Variants in SHISA9 observed in about 807,000 individuals in gnomAD.
SHISA9 encodes the protein shisa family member 9, also known as protein shisa-9.
In SHISA9, 13 loss-of-function variants were observed where a neutral mutation model predicts 38.0. The observed-to-expected ratio is 0.34, with a 90% confidence interval of 0.22 to 0.54. The LOEUF (loss-of-function observed/expected upper bound fraction) is 0.54, where lower values mean the gene tolerates loss of function less well. Ranked by LOEUF, SHISA9 falls within the 20% of genes least tolerant of loss-of-function variation. The pLI is 0.91. For synonymous variants in SHISA9, 275 were observed against 242.0 expected, an observed-to-expected ratio of 1.14 and a Z score of -1.27; for missense variants, 538 against 575.8, an observed-to-expected ratio of 0.93 and a Z score of 0.67.
chr16:13,493,215 C>T, the SHISA9 span, among the ~76,000 whole-genome samples: 3 of 137,834 alleles, frequency 2.2e-5, no homozygotes, highest in Non-Finnish European at 5.0e-5. Flanking sequence ...AGAAATGACA[C>T]TCATCATCAG....
At chr16:13,250,014 G>A in the SHISA9 span, among the ~76,000 whole-genome samples, 9 of 152,252 alleles carry the variant, frequency 5.9e-5, no homozygotes, top group East Asian at 1.5e-3. Flanking sequence ...GACTGCAGGT[G>A]TGTGCCACCA....
the SHISA9 span, among the ~76,000 whole-genome samples, chr16:13,342,219 T>A: frequency 6.6e-6 from 1 of 152,210 alleles, no homozygotes; most frequent in Non-Finnish European, 1.5e-5. Flanking sequence ...GTGCTCTATA[T>A]CTCAGCTGCC....
the SHISA9 span, among the ~76,000 whole-genome samples, chr16:13,513,639 C>T: frequency 2.6e-5 from 4 of 152,100 alleles, no homozygotes; most frequent in Admixed American, 1.3e-4. Flanking sequence ...ATACACACCA[C>T]GGAATACTAT....
chr16:13,073,494 G>A (rs1475331376), intron 2 of SHISA9, among the ~76,000 whole-genome samples: 1 of 152,080 alleles, frequency 6.6e-6, no homozygotes. Context: ...AGCATCACCT[G>A]GGAATTTGTT....
Position 13,210,337 on chromosome 16 carries a change from A to C in SHISA9, c.848-2916A>C, listed in dbSNP as rs190173438. On this transcript the variant is annotated intron_variant, in intron 3 of 4. Transcript: ENST00000558583. ...CAAAGATTCATGATCATGTGCCCTT[A>C]AGATGGCTCAATGCAACCTTGGCCA... 1.3e-3 allele frequency among the ~76,000 whole-genome samples: 195 copies of C among 152,302 alleles called. 1 individual carries two copies. Among genetic ancestry groups the C allele is most frequent in the African/African-American group, 4.5e-3 (189 of 41,552 alleles).
At chr16:13,365,183 A>G in the SHISA9 span, among the ~76,000 whole-genome samples, 2 of 152,124 alleles carry the variant, frequency 1.3e-5, no homozygotes, top group Non-Finnish European at 2.9e-5. Context: ...CCTCATGGAG[A>G]TTTAAACTGG....
chr16:13,258,504 A>C, the SHISA9 span: 1 of 152,332 alleles, frequency 6.6e-6, no homozygotes, highest in Admixed American at 6.5e-5. Context: ...ATGTTGAATA[A>C]TTACAAGGCC....
At chr16:13,303,240 A>G in the SHISA9 span, among the ~76,000 whole-genome samples, 3 of 152,224 alleles carry the variant, frequency 2.0e-5, no homozygotes, top group African/African-American at 7.2e-5. Context: ...CTCAAAAGAA[A>G]GGAAAACAGA....
At chr16:13,325,357 T>A in the SHISA9 span, among the ~76,000 whole-genome samples, 2,869 of 152,322 alleles carry the variant, frequency 0.019, 74 homozygotes, top group African/African-American at 0.065. Flanking sequence ...TTCATGTTAA[T>A]GCTGGCCAGT....
chr16:13,480,106 C>T, the SHISA9 span, among the ~76,000 whole-genome samples: 1 of 152,200 alleles, frequency 6.6e-6, no homozygotes. Flanking sequence ...CCTCTTCTCA[C>T]TCCTGCACCC....
the SHISA9 span, among the ~76,000 whole-genome samples, chr16:13,541,283 G>A: frequency 6.6e-6 from 1 of 152,138 alleles, no homozygotes; most frequent in Admixed American, 6.5e-5. Context: ...AAAGGTGAAT[G>A]AGAAAAACAG....
At chr16:13,148,060 G>T (rs944930179) in intron 2 of SHISA9, among the ~76,000 whole-genome samples, 1 of 152,084 alleles carries the variant, frequency 6.6e-6, no homozygotes, top group Non-Finnish European at 1.5e-5. Context: ...TTGGGGAGGG[G>T]TGCTCAGGAC....
intron 2 of SHISA9, among the ~76,000 whole-genome samples, chr16:13,109,762 T>C (rs965559305): frequency 1.3e-5 from 2 of 152,226 alleles, no homozygotes; most frequent in Non-Finnish European, 2.9e-5. Context: ...AATGGAATTA[T>C]ACAGTATGTG....
chr16:13,367,136 A>G, the SHISA9 span, among the ~76,000 whole-genome samples: 5 of 151,954 alleles, frequency 3.3e-5, no homozygotes, highest in Non-Finnish European at 7.4e-5. Context: ...ACTTAAACTC[A>G]GTAATTAAAC....
chr16:13,071,732 G>A (rs2073521009), intron 2 of SHISA9, among the ~76,000 whole-genome samples: 1 of 151,812 alleles, frequency 6.6e-6, no homozygotes, highest in African/African-American at 2.4e-5. Flanking sequence ...CCACCTCCCA[G>A]ACTTAAGCCA....
chr16:13,345,104 C>T, the SHISA9 span, among the ~76,000 whole-genome samples: 2 of 151,860 alleles, frequency 1.3e-5, no homozygotes, highest in Non-Finnish European at 2.9e-5. Context: ...CATTAAACTT[C>T]TTTTTTTTAA....
chr16:13,176,976 C>G (rs1812397603), intron 2 of SHISA9, among the ~76,000 whole-genome samples: 1 of 152,120 alleles, frequency 6.6e-6, no homozygotes, highest in Non-Finnish European at 1.5e-5. Flanking sequence ...AGACTGTCTC[C>G]CAGCTTTTGA....
At chr16:13,258,348 A>G in the SHISA9 span, 34 of 152,328 alleles carry the variant, frequency 2.2e-4, no homozygotes, top group African/African-American at 7.9e-4. Flanking sequence ...TCATTACTCC[A>G]GCCAAAAAAA....
Position 13,235,056 on chromosome 16 carries a change from A to T in SHISA9, c.922A>T (p.Thr308Ser). 1 of 1,550,878 alleles carries T rather than the reference A, an allele frequency of 6.4e-7. No homozygotes were observed. Among genetic ancestry groups the T allele is most frequent in the Non-Finnish European group, 8.7e-7 (1 of 1,146,774 alleles). The change falls in exon 5 of 5, where the codon ACC (threonine) becomes TCC (serine). Residue 308 changes from threonine to serine, a missense_variant. By Grantham distance (58) the Thr-to-Ser change is moderately conservative. Around this residue, in one of 4 missense-constraint regions of SHISA9, gnomAD observed 326 missense variants for 305.9 expected, o/e 1.07. Transcript: ENST00000558583. The part of the protein sequence containing the change: ...KADKVNDDFY[T>S]KRRHLAELAA... The stretch of plus-strand genomic sequence containing the variant: ...TGACAAGGTCAATGACGACTTCTAC[A>T]CCAAGCGACGGCACCTGGCTGAGCT...
Sources: gnomAD v4.1 joint callset for allele counts (sites outside exome capture counted in the v4.1 genomes callset) on GRCh38, gnomAD v4.1.1 for gene constraint, gnomAD v4.1.1 regional missense constraint, MANE v1.5 for transcripts, NCBI Gene and HGNC (gene_info 2026-07-23, HGNC 2026-07-21) for gene names.